Variants in EPM2A observed in about 807,000 individuals in gnomAD.
The protein encoded by EPM2A is laforin.
Under a neutral mutation model 26.5 loss-of-function variants are expected in EPM2A, and 21 were observed. The ratio of observed to expected loss-of-function variants is 0.79; its 90% confidence interval spans 0.56 to 1.14. The LOEUF (loss-of-function observed/expected upper bound fraction) is 1.14. Ranked by LOEUF, EPM2A falls within the 50% of genes most tolerant of loss-of-function variation. The probability of loss-of-function intolerance (pLI) is 0.00; values close to 1 mark genes in which losing one functional copy is unlikely to be tolerated. For missense variants in EPM2A, 458 were observed against 440.8 expected (o/e 1.04, Z -0.35); for synonymous variants, 217 against 177.6 (o/e 1.22, Z -1.76).
At chr6:145,550,753 A>G (rs2114803760) in intron 2 of EPM2A, among the ~76,000 whole-genome samples, 1 of 152,148 alleles carries the variant, frequency 6.6e-6, no homozygotes, top group African/African-American at 2.4e-5. Context: ...TATGAATAGG[A>G]AATATATGTC....
At chr6:145,603,544 C>G (rs1212662078) in intron 2 of EPM2A, among the ~76,000 whole-genome samples, 1 of 152,172 alleles carries the variant, frequency 6.6e-6, no homozygotes, top group Non-Finnish European at 1.5e-5. Flanking sequence ...GTACTTATCT[C>G]CTGGCATGTA....
chr6:145,473,583 T>C (rs1249528949), intron 4 of EPM2A, among the ~76,000 whole-genome samples: 1 of 152,034 alleles, frequency 6.6e-6, no homozygotes, highest in African/African-American at 2.4e-5. Flanking sequence ...ATGATGCAGA[T>C]TTAATCCAAA....
chr6:145,567,698 G>A (rs185782181), intron 2 of EPM2A, among the ~76,000 whole-genome samples: 25 of 152,308 alleles, frequency 1.6e-4, no homozygotes, highest in African/African-American at 5.8e-4. Context: ...CACACTGATT[G>A]GAAGGATGAG....
At chr6:145,472,065 C>T (rs1364035586) in intron 4 of EPM2A, among the ~76,000 whole-genome samples, 1 of 151,148 alleles carries the variant, frequency 6.6e-6, no homozygotes, top group African/African-American at 2.4e-5. Flanking sequence ...ATCTTAGATA[C>T]CAGCTCAACT....
At chr6:145,449,510 T>C (rs1317803188) in intron 4 of EPM2A, among the ~76,000 whole-genome samples, 2 of 152,220 alleles carry the variant, frequency 1.3e-5, no homozygotes, top group Non-Finnish European at 2.9e-5. Context: ...TCTAAGTGTC[T>C]CACTTTGTGA....
intron 2 of EPM2A, among the ~76,000 whole-genome samples, chr6:145,515,824 G>A (rs908613482): frequency 1.3e-5 from 2 of 152,180 alleles, no homozygotes; most frequent in Non-Finnish European, 2.9e-5. Flanking sequence ...GGGAATACAG[G>A]TCACCTTGCG....
chr6:145,505,053 C>T (rs1779950522), intron 2 of EPM2A, among the ~76,000 whole-genome samples: 1 of 123,686 alleles, frequency 8.1e-6, no homozygotes, highest in Admixed American at 8.9e-5. Context: ...AATGAGATCA[C>T]ATGGACACAG....
intron 4 of EPM2A, among the ~76,000 whole-genome samples, chr6:145,432,225 A>G (rs1401641193): frequency 6.6e-6 from 1 of 152,210 alleles, no homozygotes; most frequent in Non-Finnish European, 1.5e-5. Context: ...TTGACCTCCA[A>G]TGAATCAGAA....
At chr6:145,510,239 A>G (rs1316392206) in intron 2 of EPM2A, among the ~76,000 whole-genome samples, 1 of 152,156 alleles carries the variant, frequency 6.6e-6, no homozygotes, top group Non-Finnish European at 1.5e-5. Flanking sequence ...GACCAACTAG[A>G]CCTAATAGAC....
intron 4 of EPM2A, among the ~76,000 whole-genome samples, chr6:145,401,454 G>C (rs918369466): frequency 6.6e-6 from 1 of 152,082 alleles, no homozygotes; most frequent in Non-Finnish European, 1.5e-5. Flanking sequence ...TCTTGTTGAT[G>C]CTCAGAATGT....
intron 2 of EPM2A, among the ~76,000 whole-genome samples, chr6:145,607,667 A>G (rs967112294): frequency 7.2e-5 from 11 of 152,210 alleles, no homozygotes; most frequent in African/African-American, 2.7e-4. Flanking sequence ...GTACATGTAC[A>G]GAATAAAGAA....
intron 4 of EPM2A, among the ~76,000 whole-genome samples, chr6:145,431,507 AG>A (rs1778921214): frequency 6.6e-6 from 1 of 152,242 alleles, no homozygotes; most frequent in Non-Finnish European, 1.5e-5. Flanking sequence ...TATATATAAA[AG>A]TTATGTTTAC....
At chr6:145,566,477 C>T (rs1377772861) in intron 2 of EPM2A, among the ~76,000 whole-genome samples, 2 of 152,200 alleles carry the variant, frequency 1.3e-5, no homozygotes, top group Non-Finnish European at 2.9e-5. Flanking sequence ...TGTTCTCTCA[C>T]CTGTATAATG....
At chr6:145,498,541 G>A (rs138693191), downstream of EPM2A, among the ~76,000 whole-genome samples, 272 of 152,282 alleles carry the variant, frequency 1.8e-3, 1 homozygote, top group African/African-American at 5.8e-3. Context: ...CTCCTGACAC[G>A]AGAGTTTCAA....
At chr6:145,650,223 A>C (rs1291614402) in intron 2 of EPM2A, among the ~76,000 whole-genome samples, 2 of 152,076 alleles carry the variant, frequency 1.3e-5, no homozygotes, top group Admixed American at 6.6e-5. Flanking sequence ...TTCTCCTCTC[A>C]TTTCCCCAAT....
At chr6:145,460,753 T>C (rs1277433645) in intron 4 of EPM2A, among the ~76,000 whole-genome samples, 1 of 152,076 alleles carries the variant, frequency 6.6e-6, no homozygotes, top group Non-Finnish European at 1.5e-5. Flanking sequence ...ACTACTTGGG[T>C]TCTAAGGGAA....
downstream of EPM2A, among the ~76,000 whole-genome samples, chr6:145,497,568 A>AGCTGT (rs1779837493): frequency 2.1e-5 from 1 of 47,750 alleles, no homozygotes; most frequent in Admixed American, 1.9e-4. Flanking sequence ...TTCCTAGAGT[A>AGCTGT]GCTGTGCTGT....
At chr6:145,604,478 C>T (rs1781456944) in intron 2 of EPM2A, among the ~76,000 whole-genome samples, 1 of 151,998 alleles carries the variant, frequency 6.6e-6, no homozygotes, top group Non-Finnish European at 1.5e-5. Context: ...CTTATAAATG[C>T]ACATTTTATA....
intron 4 of EPM2A, among the ~76,000 whole-genome samples, chr6:145,390,730 T>C (rs984117381): frequency 6.6e-6 from 1 of 152,162 alleles, no homozygotes; most frequent in Non-Finnish European, 1.5e-5. Flanking sequence ...GATGTACATA[T>C]GCATTTTTAC....
Sources: gnomAD v4.1 joint callset for allele counts (sites outside exome capture counted in the v4.1 genomes callset) on GRCh38, gnomAD v4.1.1 for gene constraint, MANE v1.5 for transcripts, NCBI Gene and HGNC (gene_info 2026-07-23, HGNC 2026-07-21) for gene names.